Variants in TMEM165 observed in about 807,000 individuals in gnomAD.
TMEM165 encodes transmembrane protein 165.
In TMEM165, 19 loss-of-function variants were observed where a neutral mutation model predicts 30.0. That is an observed-to-expected ratio of 0.63 (90% CI 0.44 to 0.93). TMEM165 has a LOEUF of 0.93. Among genes scored for constraint, TMEM165 ranks in the 40% least tolerant of loss-of-function variants. TMEM165 has a pLI of 0.00. For synonymous variants in TMEM165, 168 were observed against 162.9 expected (o/e 1.03, Z -0.24); for missense variants, 340 against 417.0 (o/e 0.82, Z 1.61).
intron 1 of TMEM165, among the ~76,000 whole-genome samples, chr4:55,408,363 G>A (rs1159814767): frequency 1.3e-5 from 2 of 152,142 alleles, no homozygotes; most frequent in Non-Finnish European, 2.9e-5. Flanking sequence ...TTGTGCAGAC[G>A]TCCTAGAGTG....
chr4:55,425,331 G>A (rs562461160), intron 5 of TMEM165, 45 bp from the exon 6 acceptor site: 1 of 1,492,492 alleles, frequency 6.7e-7, no homozygotes, highest in African/African-American at 1.4e-5. Flanking sequence ...CAGTATCAAG[G>A]TATAGGAATT....
intron 3 of TMEM165, among the ~76,000 whole-genome samples, chr4:55,445,528 T>A (rs1191082503): frequency 6.6e-6 from 1 of 151,114 alleles, no homozygotes; most frequent in Non-Finnish European, 1.5e-5. Flanking sequence ...CCTTGGGTAC[T>A]CTCCATCTAC....
At chr4:55,416,958 T>C in intron 2 of TMEM165, 114 bp from the exon 3 acceptor site, 1 of 870,548 alleles carries the variant, frequency 1.1e-6, no homozygotes, top group Non-Finnish European at 1.7e-6. Context: ...TAGATTAGCT[T>C]CTAATGTGAA....
chr4:55,417,612 G>A (rs1721791348), intron 3 of TMEM165, 191 bp from the exon 4 acceptor site: 2 of 590,920 alleles, frequency 3.4e-6, no homozygotes, highest in South Asian at 4.6e-5. Flanking sequence ...AGGAGAAACG[G>A]AAGAATTGAG....
intron 3 of TMEM165, chr4:55,442,410 A>C: frequency 6.3e-7 from 1 of 1,589,716 alleles, no homozygotes; most frequent in Non-Finnish European, 8.6e-7. Context: ...TTTAAAAATA[A>C]CAAATGAAAT....
rs186574447 is a variant in TMEM165, at chr4:55,442,302, T to C, written c.409-9937T>C. 10 of 798,586 alleles carry C rather than the reference T, an allele frequency of 1.3e-5. No individual in the cohort carries two copies. The African/African-American group carries it at 1.5e-4, about 12-fold the overall frequency. 49.5% of individuals were successfully genotyped at this position (798,586 alleles called of 1,614,324 possible). A position where few individuals can be genotyped will look rare whatever the true frequency, so the allele number is the denominator to read the frequency against. ...ATACATTCAGTGTTTTTATTTCAAATTTAAGAACATTGGCTGCAGTGAGCA... is the reference window on the plus strand; with the variant it reads ...ATACATTCAGTGTTTTTATTTCAAACTTAAGAACATTGGCTGCAGTGAGCA... On this transcript the variant is annotated intron_variant, in intron 3 of 3. Transcript: ENST00000608091.
rs879389475 is a variant in TMEM165 at position 55,447,036 on chromosome 4, GT to G, written c.409-5192del. 8.8e-4 allele frequency among the ~76,000 whole-genome samples: 128 copies of G among 145,838 alleles called. 3 individuals are homozygous for G. In the Middle Eastern group the frequency reaches 0.014, roughly 16 times the overall value. ...AAATTTAGTACCTCAACTCCCTCAA[GT>G]TTTTTTTTTTGTTTTTTTTTAAATA... On this transcript the variant is annotated intron_variant, in intron 3 of 3. Coordinates refer to the TMEM165 transcript ENST00000608091.
intron 3 of TMEM165, chr4:55,448,894 G>A (rs1261502298): frequency 6.5e-7 from 1 of 1,530,214 alleles, no homozygotes; most frequent in Non-Finnish European, 9.1e-7. Context: ...AAATAACACT[G>A]AAGTGATTCT....
downstream of TMEM165, chr4:55,430,596 T>A (rs1056547): frequency 6.6e-6 from 1 of 152,004 alleles, no homozygotes; most frequent in Non-Finnish European, 1.5e-5. Context: ...AACCAAAGTA[T>A]TCTTTTTCTC....
chr4:55,442,427 A>G (rs763022112), intron 3 of TMEM165: 3 of 1,607,982 alleles, frequency 1.9e-6, no homozygotes, highest in East Asian at 4.5e-5. Flanking sequence ...AAATATGACA[A>G]CTACCTTATC....
intron 3 of TMEM165, chr4:55,442,209 G>T: frequency 1.8e-6 from 1 of 540,652 alleles, no homozygotes; most frequent in Non-Finnish European, 3.3e-6. Flanking sequence ...ATAATATTTT[G>T]TAGCATATTT....
intron 3 of TMEM165, among the ~76,000 whole-genome samples, chr4:55,448,368 G>A (rs930762248): frequency 8.5e-5 from 13 of 152,238 alleles, no homozygotes; most frequent in South Asian, 4.1e-4. Flanking sequence ...TATGTCTACA[G>A]TGTTCCTCAA....
chr4:55,443,076 C>A (rs1417350791), intron 3 of TMEM165, among the ~76,000 whole-genome samples: 6 of 152,144 alleles, frequency 3.9e-5, no homozygotes, highest in African/African-American at 9.7e-5. Flanking sequence ...GAACAGGCTT[C>A]CTGGTCAGCC....
intron 1 of TMEM165, among the ~76,000 whole-genome samples, chr4:55,397,664 C>A (rs1720782503): frequency 6.6e-6 from 1 of 151,662 alleles, no homozygotes; most frequent in Non-Finnish European, 1.5e-5. Flanking sequence ...TTTTTCCTTT[C>A]CTCTCCTTTC....
intron 3 of TMEM165, chr4:55,450,012 A>G (rs1031848566): frequency 5.9e-6 from 9 of 1,512,662 alleles, no homozygotes; most frequent in Admixed American, 1.7e-5. Flanking sequence ...GAAGCGTTTG[A>G]TGAGAAATGC....
chr4:55,427,318 G>A (rs951472642), downstream of TMEM165, among the ~76,000 whole-genome samples: 3 of 151,438 alleles, frequency 2.0e-5, no homozygotes, highest in African/African-American at 4.9e-5. Flanking sequence ...TTACAGGCGT[G>A]AGCCACCATG....
intron 1 of TMEM165, among the ~76,000 whole-genome samples, chr4:55,404,878 C>T (rs1439062364): frequency 6.6e-6 from 1 of 152,186 alleles, no homozygotes; most frequent in Non-Finnish European, 1.5e-5. Context: ...GCCCGTTTGA[C>T]CTCAGTTTTC....
chr4:55,429,372 A>C (rs1051271760), downstream of TMEM165: 2 of 152,318 alleles, frequency 1.3e-5, no homozygotes, highest in African/African-American at 4.8e-5. Context: ...TGAGTCCTAA[A>C]GTGGAGGATT....
chr4:55,440,636 A>G (rs1418820147), intron 3 of TMEM165, among the ~76,000 whole-genome samples: 3 of 152,390 alleles, frequency 2.0e-5, no homozygotes, highest in East Asian at 1.9e-4. Context: ...GTCCAAAGAA[A>G]TAAGTAATAT....
Sources: allele counts gnomAD v4.1 joint callset (sites outside exome capture counted in the v4.1 genomes callset), GRCh38; gene constraint gnomAD v4.1.1; transcripts MANE v1.5; gene names NCBI Gene and HGNC (gene_info 2026-07-23, HGNC 2026-07-21).